MINK1: variants seen among roughly 807,000 people sequenced by gnomAD.
MINK1 encodes the protein misshapen like kinase 1.
A neutral mutation model predicts 178.4 loss-of-function variants in MINK1; 46 were observed. The ratio of observed to expected loss-of-function variants is 0.26; its 90% CI spans 0.20 to 0.33. The LOEUF (loss-of-function observed/expected upper bound fraction) is 0.33. MINK1 is among the 10% of genes least tolerant of loss of function. The pLI is 1.00. For synonymous variants in MINK1, 797 were observed against 709.7 expected (o/e 1.12, Z -1.96); for missense variants, 1,366 against 1,814.9 (o/e 0.75, Z 4.49).
chr17:4,844,418 T>C (rs2150764564), intron 1 of MINK1, among the ~76,000 whole-genome samples: 1 of 152,220 alleles, frequency 6.6e-6, no homozygotes, highest in African/African-American at 2.4e-5. Flanking sequence ...TTTGGAGACT[T>C]TTGGAATATG....
chr17:4,838,881 A>G (rs1427948481), intron 1 of MINK1, among the ~76,000 whole-genome samples: 1 of 152,184 alleles, frequency 6.6e-6, no homozygotes, highest in African/African-American at 2.4e-5. Context: ...GTCCTCTACT[A>G]AGCTATTTAA....
intron 1 of MINK1, among the ~76,000 whole-genome samples, chr17:4,848,184 G>A (rs1911329297): frequency 6.6e-6 from 1 of 152,176 alleles, no homozygotes; most frequent in Admixed American, 6.5e-5. Context: ...AACCAAATGG[G>A]GATTGACTTG....
rs553015664 is a variant in MINK1, at chr17:4,894,257, A to G, written c.2754A>G (p.Ser918=). Residue 918 remains serine (S), a synonymous_variant, in exon 23 of 32, where the codon TCA becomes TCG. Transcript: ENST00000355280. This position sits in a 1 kb window ranked among gnomAD's most constrained non-coding sequence, Gnocchi z 4.1. ...CTGACGTGGTCCAGCCCAGCCACTC[A>G]CCCACCGAGAACAGCAAAGGCCAAA... ...NLPDVVQPSH[S]PTENSKGQSP... The G allele has an allele frequency of 6.2e-7, 1 of 1,605,594 alleles. No individual in the cohort carries two copies. Among genetic ancestry groups the G allele is most frequent in the Admixed American group, 1.7e-5 (1 of 59,302 alleles).
chr17:4,888,859 G>A (rs540911488), intron 12 of MINK1, among the ~76,000 whole-genome samples: 183 of 151,898 alleles, frequency 1.2e-3, no homozygotes, highest in Non-Finnish European at 1.5e-3. Flanking sequence ...CACCACGCCC[G>A]GCTAATTTTG....
intron 1 of MINK1, among the ~76,000 whole-genome samples, chr17:4,867,559 G>T (rs769143086): frequency 6.6e-6 from 1 of 152,090 alleles, no homozygotes; most frequent in African/African-American, 2.4e-5. Context: ...CAGCACTTTG[G>T]GGGGCTAAGG....
intron 20 of MINK1, 74 bp from the exon 21 acceptor site, chr17:4,893,360 G>A (rs368461644): frequency 6.2e-7 from 1 of 1,612,158 alleles, no homozygotes; most frequent in African/African-American, 1.3e-5. Flanking sequence ...CCCTGCTGGG[G>A]TGTCCCGGCA....
rs1969681149 is a variant in MINK1, at chr17:4,897,541, G to A, written c.*254G>A. 1 of 484,646 alleles carries A rather than the reference G, an allele frequency of 2.1e-6. No homozygotes were observed. Among genetic ancestry groups the A allele is most frequent in the South Asian group, 2.5e-5 (1 of 40,290 alleles). 30.0% of individuals were successfully genotyped at this position (484,646 alleles called of 1,614,324 possible). On this transcript the variant is annotated 3_prime_UTR_variant, in exon 32 of 32. Coordinates refer to ENST00000355280, the MANE Select transcript of MINK1 (RefSeq NM_153827.5). ...GGAGGGACACAGCTTCCCCTTCCCA[G>A]GAATTGAGTGGGCCTAGCCCCTCCC... is the stretch of plus-strand genomic sequence containing the variant.
chr17:4,833,526 A>G lies in MINK1; in HGVS notation c.-58A>G, dbSNP rs900393301. 7 of 1,395,706 alleles carry G rather than the reference A, an allele frequency of 5.0e-6. No individual in the cohort carries two copies. The African/African-American group carries it at 6.0e-5, about 12-fold the overall frequency. 86.5% of individuals were successfully genotyped at this position (1,395,706 alleles called of 1,614,324 possible). ...ATGGGGGAGAAGCGGCGACGGCGGC[A>G]GTGGAGTAACCGAGCCGGAGCGTGA... On this transcript the variant is annotated 5_prime_UTR_variant, in exon 1 of 32. Transcript: ENST00000355280. The surrounding 1 kb of genome is among the most constrained non-coding windows in gnomAD (Gnocchi z 4.8).
At chr17:4,868,645 T>C (rs1915401376) in intron 1 of MINK1, among the ~76,000 whole-genome samples, 1 of 152,276 alleles carries the variant, frequency 6.6e-6, no homozygotes, top group Non-Finnish European at 1.5e-5. Flanking sequence ...CCATATTTTA[T>C]GTATGCATTT....
intron 1 of MINK1, among the ~76,000 whole-genome samples, chr17:4,869,214 G>A (rs956285978): frequency 4.6e-5 from 7 of 151,068 alleles, no homozygotes; most frequent in African/African-American, 9.7e-5. Context: ...GTGAGCCACC[G>A]CTCCCGGCCT....
rs1415103566 is a variant in MINK1, at chr17:4,887,501, C to T, written c.1020-79C>T. 26 of 1,326,430 alleles carry T rather than the reference C, an allele frequency of 2.0e-5. No individual in the cohort carries two copies. The highest frequency in any genetic ancestry group is 5.9e-5 in the Admixed American group (2 of 34,048). 82.2% of individuals were successfully genotyped at this position (1,326,430 alleles called of 1,614,324 possible). A position where few individuals can be genotyped will look rare whatever the true frequency, so the allele number is the denominator to read the frequency against. ...GGCTTTGATCCAGTTAAAGCACCCA[C>T]TCAGGCGGGCCCACGGGGTTGAGAG... On this transcript the variant is annotated intron_variant, in intron 11 of 31. Coordinates refer to ENST00000355280, the MANE Select transcript of MINK1 (RefSeq NM_153827.5). The surrounding 1 kb of genome is among the most constrained non-coding windows in gnomAD (Gnocchi z 7.6).
chr17:4,833,593 C>G lies in MINK1; in HGVS notation c.10C>G (p.Pro4Ala), dbSNP rs1246962429. Residue 4 changes from proline (P) to alanine (A), a missense_variant, in exon 1 of 32, where the codon CCA becomes GCA. Physicochemically the swap from Pro to Ala is conservative, Grantham distance 27. Around this residue, in one of 14 missense-constraint regions of MINK1, gnomAD observed 22 missense variants for 21.7 expected, o/e 1.01. Transcript: ENST00000355280. The surrounding 1 kb of genome is among the most constrained non-coding windows in gnomAD (Gnocchi z 4.8). ...GTTCCCCACGGAGGCCATGGGCGACCCAGCCCCCGCCCGCAGCCTGGACGA... is the reference window on the plus strand; with the variant it reads ...GTTCCCCACGGAGGCCATGGGCGACGCAGCCCCCGCCCGCAGCCTGGACGA... MGD[P>A]APARSLDDID... 8 of 1,500,320 alleles carry G rather than the reference C, an allele frequency of 5.3e-6. No homozygotes were observed. The African/African-American group carries it at 1.2e-4, about 22-fold the overall frequency. 92.9% of individuals were successfully genotyped at this position (1,500,320 alleles called of 1,614,324 possible).
At chr17:4,884,531 C>A in intron 5 of MINK1, 58 bp downstream of exon 5, 1 of 1,324,922 alleles carries the variant, frequency 7.5e-7, no homozygotes, top group Non-Finnish European at 1.1e-6. Flanking sequence ...GGAGTTTCTC[C>A]ATGAGCAAAG....
At chr17:4,876,228 G>A (rs1401757648) in intron 1 of MINK1, among the ~76,000 whole-genome samples, 3 of 152,074 alleles carry the variant, frequency 2.0e-5, no homozygotes, top group Admixed American at 6.5e-5. Flanking sequence ...ACTTCCTCCC[G>A]AGCAGGCTGG....
At position 4,885,286 on chromosome 17, in the gene MINK1, C is replaced by G. The variant is rs1968098804; in HGVS notation, c.509-197C>G. On this transcript the variant is annotated intron_variant, in intron 6 of 31. Coordinates refer to ENST00000355280, the MANE Select transcript of MINK1 (RefSeq NM_153827.5). The surrounding 1 kb of genome is among the most constrained non-coding windows in gnomAD (Gnocchi z 5.0). ...GGGATGCTGTCCGTGATCCTTTTAC[C>G]TGGGTTTTTCTCTAAGATGCTGGAA... Among the ~76,000 whole-genome samples, 1 of 152,126 alleles carries G rather than the reference C, an allele frequency of 6.6e-6. No homozygotes were observed. The highest frequency in any genetic ancestry group is 1.5e-5 in the Non-Finnish European group (1 of 68,032).
rs1398078675 is a variant in MINK1, at chr17:4,895,252, G to A, written c.3085+10G>A. 6.2e-7 allele frequency: 1 copy of A among 1,613,940 alleles called. No homozygotes were observed. Among genetic ancestry groups the A allele is most frequent in the East Asian group, 2.2e-5 (1 of 44,872 alleles). Reference sequence around the variant, plus strand: ...TGTGCAGCCCTTTGGGGTAAGCCAGGGCAGGGACAGCTGAGGAGGCTCTGG... The same window carrying A: ...TGTGCAGCCCTTTGGGGTAAGCCAGAGCAGGGACAGCTGAGGAGGCTCTGG... On this transcript the variant is annotated intron_variant, in intron 25 of 31. Coordinates refer to ENST00000355280, the MANE Select transcript of MINK1 (RefSeq NM_153827.5). The surrounding 1 kb of genome is among the most constrained non-coding windows in gnomAD (Gnocchi z 4.3).
At chr17:4,861,074 C>T (rs1473672251) in intron 1 of MINK1, among the ~76,000 whole-genome samples, 2 of 152,154 alleles carry the variant, frequency 1.3e-5, no homozygotes, top group Admixed American at 1.3e-4. Flanking sequence ...CCGCCTTGCT[C>T]TGTCTGGCGT....
intron 5 of MINK1, 78 bp from the exon 6 acceptor site, chr17:4,884,834 C>T: frequency 8.0e-7 from 1 of 1,252,872 alleles, no homozygotes; most frequent in Non-Finnish European, 1.1e-6. Flanking sequence ...TGCTCCTTGT[C>T]CCCTCAACTC....
chr17:4,877,968 G>A (rs888580872), intron 1 of MINK1, among the ~76,000 whole-genome samples: 1 of 151,766 alleles, frequency 6.6e-6, no homozygotes, highest in African/African-American at 2.4e-5. Context: ...CCGCAACCAC[G>A]CCCAGCTAAT....
Sources: gnomAD v4.1 joint callset for allele counts (sites outside exome capture counted in the v4.1 genomes callset) on GRCh38, gnomAD v4.1.1 for gene constraint, gnomAD v4.1.1 regional missense constraint, Gnocchi (gnomAD v3.1) non-coding constraint, MANE v1.5 for transcripts, NCBI Gene and HGNC (gene_info 2026-07-23, HGNC 2026-07-21) for gene names.